SGCD: variants seen among roughly 807,000 people sequenced by gnomAD.
SGCD encodes delta-sarcoglycan.
In SGCD, 18 loss-of-function variants were observed where a neutral mutation model predicts 36.6. The ratio of observed to expected loss-of-function variants is 0.49; its 90% CI spans 0.34 to 0.73. The LOEUF (loss-of-function observed/expected upper bound fraction) is 0.73, where lower values mean the gene tolerates loss of function less well. Among genes scored for constraint, SGCD ranks in the 30% least tolerant of loss-of-function variants. The pLI is 0.01. For missense variants in SGCD, 387 were observed against 346.7 expected (o/e 1.12, Z -0.92); for synonymous variants, 133 against 130.6 (o/e 1.02, Z -0.12).
intron 4 of SGCD, among the ~76,000 whole-genome samples, chr5:156,547,329 T>C (rs1581150491): frequency 1.3e-5 from 2 of 152,284 alleles, no homozygotes; most frequent in South Asian, 4.1e-4. Context: ...CCTTGCCACA[T>C]ATCCATCGGG....
At chr5:156,279,974 C>T (rs983999401) in intron 3 of SGCD, among the ~76,000 whole-genome samples, 2 of 151,204 alleles carry the variant, frequency 1.3e-5, no homozygotes, top group Non-Finnish European at 3.0e-5. Context: ...ACTGTTGAAA[C>T]ACACATACAA....
rs1757554408 is a variant in SGCD, at chr5:156,764,589, C to T, written c.*5199C>T. The T allele has an allele frequency of 6.6e-6, 1 of 152,546 alleles. No individual in the cohort carries two copies. The highest frequency in any genetic ancestry group is 1.5e-5 in the Non-Finnish European group (1 of 68,016). 9.4% of individuals were successfully genotyped at this position (152,546 alleles called of 1,614,324 possible). On this transcript the variant is annotated 3_prime_UTR_variant, in exon 9 of 9. Coordinates refer to ENST00000337851, the MANE Select transcript of SGCD (RefSeq NM_000337.6). Reference sequence around the variant, plus strand: ...TCCTTTTGAGTATTGTTAGAGCATACATGTAAAAGAAAATAACCTTTTTGG... The same window carrying T: ...TCCTTTTGAGTATTGTTAGAGCATATATGTAAAAGAAAATAACCTTTTTGG...
At chr5:155,996,708 G>A (rs1381417528) in intron 1 of SGCD, among the ~76,000 whole-genome samples, 1 of 151,558 alleles carries the variant, frequency 6.6e-6, no homozygotes, top group Non-Finnish European at 1.5e-5. Flanking sequence ...GAACCTGGGA[G>A]GCAGAGGTTG....
intron 3 of SGCD, among the ~76,000 whole-genome samples, chr5:156,475,832 A>C (rs921484333): frequency 6.6e-6 from 1 of 152,234 alleles, no homozygotes; most frequent in African/African-American, 2.4e-5. Context: ...AGGAGCTATG[A>C]AGCACTTGGA....
chr5:155,940,985 G>A (rs185493071), intron 1 of SGCD, among the ~76,000 whole-genome samples: 98 of 152,228 alleles, frequency 6.4e-4, no homozygotes, highest in African/African-American at 2.1e-3. Flanking sequence ...GACTGGTAAT[G>A]TATGAAGAAG....
chr5:155,877,318 C>T (rs902587970), intron 1 of SGCD, among the ~76,000 whole-genome samples: 1 of 152,132 alleles, frequency 6.6e-6, no homozygotes, highest in Non-Finnish European at 1.5e-5. Context: ...CCAAGTTACT[C>T]ATGGCCAACT....
the SGCD span, among the ~76,000 whole-genome samples, chr5:155,746,302 A>G: frequency 1.3e-5 from 2 of 152,114 alleles, no homozygotes; most frequent in African/African-American, 4.8e-5. Context: ...CAAGAGACCA[A>G]TTGTAAAGCA....
intron 6 of SGCD, among the ~76,000 whole-genome samples, chr5:156,634,627 A>T (rs906286466): frequency 6.6e-6 from 1 of 152,166 alleles, no homozygotes; most frequent in African/African-American, 2.4e-5. Flanking sequence ...GATGGATGGA[A>T]TACAAAACGG....
chr5:156,296,507 T>G (rs1237329732), intron 3 of SGCD, among the ~76,000 whole-genome samples: 1 of 151,376 alleles, frequency 6.6e-6, no homozygotes, highest in Non-Finnish European at 1.5e-5. Flanking sequence ...CATTTGTCTC[T>G]AAGTGTTTTC....
intron 3 of SGCD, among the ~76,000 whole-genome samples, chr5:156,490,605 T>C (rs995675859): frequency 1.3e-5 from 2 of 151,826 alleles, no homozygotes; most frequent in African/African-American, 4.8e-5. Flanking sequence ...GGACAGAAAC[T>C]ATATAATCCT....
chr5:155,890,391 A>C lies in SGCD; in HGVS notation c.-282+19967A>C, dbSNP rs77109284. Among the ~76,000 whole-genome samples, 297 of 152,242 alleles carry C rather than the reference A, an allele frequency of 2.0e-3. 3 individuals are homozygous for C. Among genetic ancestry groups the C allele is most frequent in the African/African-American group, 6.4e-3 (265 of 41,542 alleles). On this transcript the variant is annotated intron_variant, in intron 1 of 9. Coordinates refer to the SGCD transcript ENST00000517913. ...GTAATCCCAGCACTTTGGGAGACTG[A>C]GGTGGGCAGGATCACTTAATTTCAG...
At chr5:156,333,100 G>A (rs908039834) in intron 2 of SGCD, among the ~76,000 whole-genome samples, 2 of 152,172 alleles carry the variant, frequency 1.3e-5, no homozygotes, top group African/African-American at 4.8e-5. Flanking sequence ...AACGAGATGA[G>A]CATTTCCTTT....
chr5:156,731,906 T>G (rs1474339575), intron 7 of SGCD, among the ~76,000 whole-genome samples: 1 of 152,130 alleles, frequency 6.6e-6, no homozygotes, highest in Non-Finnish European at 1.5e-5. Context: ...ATTTTATTAT[T>G]TTTGTGGCAG....
chr5:156,051,108 A>C (rs944346343), intron 1 of SGCD, among the ~76,000 whole-genome samples: 6 of 146,826 alleles, frequency 4.1e-5, no homozygotes, highest in South Asian at 2.1e-4. Flanking sequence ...CATTTTAAAA[A>C]AGGTTTGTTT....
At chr5:156,615,768 G>T (rs973828171) in intron 6 of SGCD, among the ~76,000 whole-genome samples, 1 of 152,106 alleles carries the variant, frequency 6.6e-6, no homozygotes, top group Non-Finnish European at 1.5e-5. Flanking sequence ...AGCCCAAGAA[G>T]AAAACAAGCT....
At chr5:155,970,818 A>G (rs1239047304) in intron 1 of SGCD, among the ~76,000 whole-genome samples, 1 of 152,186 alleles carries the variant, frequency 6.6e-6, no homozygotes, top group African/African-American at 2.4e-5. Flanking sequence ...TAAGTAATAT[A>G]TGAGGGAGTT....
chr5:156,287,763 G>A (rs572775589), intron 3 of SGCD, among the ~76,000 whole-genome samples: 11 of 152,094 alleles, frequency 7.2e-5, no homozygotes, highest in African/African-American at 2.4e-4. Flanking sequence ...GCTGGGCATG[G>A]TGTCTCTCAC....
chr5:156,697,321 C>T (rs1409621402), intron 7 of SGCD, among the ~76,000 whole-genome samples: 1 of 152,118 alleles, frequency 6.6e-6, no homozygotes, highest in East Asian at 1.9e-4. Flanking sequence ...GCGCAGCTCC[C>T]TTGGACCCCT....
intron 1 of SGCD, among the ~76,000 whole-genome samples, chr5:156,017,357 G>C (rs1164903230): frequency 1.3e-5 from 2 of 151,884 alleles, no homozygotes; most frequent in Admixed American, 6.6e-5. Context: ...GTAGGCAAAT[G>C]CATCAATTTT....
Sources: allele counts gnomAD v4.1 joint callset (sites outside exome capture counted in the v4.1 genomes callset), GRCh38; gene constraint gnomAD v4.1.1; transcripts MANE v1.5; gene names NCBI Gene and HGNC (gene_info 2026-07-23, HGNC 2026-07-21).